The following ZMAT4 variants were observed in gnomAD, a reference collection of about 807,000 sequenced individuals.
The protein encoded by ZMAT4 is zinc finger matrin-type protein 4.
In ZMAT4, 17 loss-of-function variants were observed where a neutral mutation model predicts 28.7. The ratio of observed to expected loss-of-function variants is 0.59; its 90% CI spans 0.41 to 0.89. The LOEUF is 0.89. ZMAT4 is among the 40% of genes least tolerant of loss of function. The pLI is 0.00. For missense variants in ZMAT4, 240 were observed against 283.8 expected (o/e 0.85, Z 1.11); for synonymous variants, 117 against 109.2 (o/e 1.07, Z -0.44).
chr8:40,774,676 A>G (rs1563475394), intron 2 of ZMAT4, among the ~76,000 whole-genome samples: 1 of 52,116 alleles, frequency 1.9e-5, no homozygotes, highest in Non-Finnish European at 8.2e-5. Context: ...ATATTCAATG[A>G]CATAGAAATA....
intron 3 of ZMAT4, among the ~76,000 whole-genome samples, chr8:40,700,900 T>C (rs1371180679): frequency 2.0e-5 from 3 of 152,222 alleles, no homozygotes; most frequent in Admixed American, 6.5e-5. Context: ...AACTGTCTCA[T>C]TGATAGTGAG....
At chr8:40,728,475 A>G (rs530014054) in intron 3 of ZMAT4, among the ~76,000 whole-genome samples, 1 of 152,354 alleles carries the variant, frequency 6.6e-6, no homozygotes, top group South Asian at 2.1e-4. Flanking sequence ...ATTTCAGAAC[A>G]TGTGATGCTT....
At chr8:40,600,764 C>T (rs2118611711) in intron 5 of ZMAT4, among the ~76,000 whole-genome samples, 1 of 152,274 alleles carries the variant, frequency 6.6e-6, no homozygotes, top group African/African-American at 2.4e-5. Flanking sequence ...GGCCTTTGTC[C>T]AGGAGAAGCA....
At chr8:40,746,661 T>C (rs181216741) in intron 3 of ZMAT4, among the ~76,000 whole-genome samples, 1 of 152,234 alleles carries the variant, frequency 6.6e-6, no homozygotes, top group Admixed American at 6.5e-5. Flanking sequence ...GGCCCAGTTT[T>C]ACTACTAATA....
rs111518851 is a variant in ZMAT4, at chr8:40,616,125, C to T, written c.578-34864G>A. 2.8e-4 allele frequency among the ~76,000 whole-genome samples: 43 copies of T among 152,282 alleles called. No homozygotes were observed. In the South Asian group the frequency reaches 3.7e-3, roughly 13 times the overall value. On this transcript the variant is annotated intron_variant, in intron 5 of 6. Transcript: ENST00000297737. ...AGAAGACATTTATGCAGTCAACAGA[C>T]GCATGAAAAAATGCTCATCATCACT... is the stretch of plus-strand genomic sequence containing the variant.
chr8:40,749,449 T>A (rs1812370133), intron 3 of ZMAT4, among the ~76,000 whole-genome samples: 2 of 151,836 alleles, frequency 1.3e-5, no homozygotes, highest in Admixed American at 1.3e-4. Flanking sequence ...CCCAGGGGAG[T>A]TTTCAAAGCC....
chr8:40,567,625 C>G lies in ZMAT4; in HGVS notation c.674+13540G>C, dbSNP rs1290307567. Among the ~76,000 whole-genome samples the G allele has an allele frequency of 3.3e-5, 5 of 151,464 alleles. No homozygotes were observed. In the East Asian group the frequency reaches 5.8e-4, roughly 18 times the overall value. The stretch of plus-strand genomic sequence containing the variant: ...GAGGCAGGGGAATCACTTGAACCCC[C>G]CTGGGAGGCGGAGGTTGCAGTGAGC... On this transcript the variant is annotated intron_variant, in intron 6 of 6. Transcript: ENST00000297737.
At position 40,883,249 on chromosome 8, in the gene ZMAT4, G is replaced by T. The variant is rs149060199; in HGVS notation, c.-5+14434C>A. Among the ~76,000 whole-genome samples the T allele has an allele frequency of 1.5e-3, 225 of 152,264 alleles. 2 individuals carry two copies. The highest frequency in any genetic ancestry group is 5.1e-3 in the African/African-American group (210 of 41,536). ...ATTCTCCAGGTATGTGACCTTGGAC[G>T]GTTCTCTTTTCCAAAACCCCAAGGC... is the stretch of plus-strand genomic sequence containing the variant. On this transcript the variant is annotated intron_variant, in intron 1 of 6. Coordinates refer to ENST00000297737, the MANE Select transcript of ZMAT4 (RefSeq NM_024645.3).
intron 1 of ZMAT4, among the ~76,000 whole-genome samples, chr8:40,888,260 A>C (rs928092693): frequency 1.3e-5 from 2 of 152,192 alleles, no homozygotes; most frequent in Non-Finnish European, 2.9e-5. Context: ...TTGCAGACAG[A>C]AAATCTAGCT....
chr8:40,863,461 A>G (rs904955414), intron 1 of ZMAT4, among the ~76,000 whole-genome samples: 1 of 152,164 alleles, frequency 6.6e-6, no homozygotes, highest in African/African-American at 2.4e-5. Context: ...AGAATCAAGA[A>G]CTACCCTCTG....
chr8:40,865,039 G>A (rs979409393), intron 1 of ZMAT4, among the ~76,000 whole-genome samples: 1 of 152,148 alleles, frequency 6.6e-6, no homozygotes. Flanking sequence ...TCTGTGCAAG[G>A]TCAAGCAAAA....
chr8:40,703,128 G>A (rs1018835358), intron 3 of ZMAT4, among the ~76,000 whole-genome samples: 2 of 152,128 alleles, frequency 1.3e-5, no homozygotes, highest in African/African-American at 4.8e-5. Context: ...ACCTAATCCT[G>A]AATTTTACTT....
chr8:40,552,836 G>T (rs1803406691), intron 6 of ZMAT4, among the ~76,000 whole-genome samples: 1 of 152,106 alleles, frequency 6.6e-6, no homozygotes, highest in Non-Finnish European at 1.5e-5. Flanking sequence ...CCCTTCAAGA[G>T]GAGGAGCCTA....
At chr8:40,878,065 A>G (rs1361426805) in intron 1 of ZMAT4, among the ~76,000 whole-genome samples, 2 of 152,174 alleles carry the variant, frequency 1.3e-5, no homozygotes, top group African/African-American at 4.8e-5. Flanking sequence ...TAGCCACTGA[A>G]TTTTCAAGCC....
chr8:40,855,700 C>A lies in ZMAT4; in HGVS notation c.-4-30020G>T, dbSNP rs564746927. ...AAAACTTTTTTTTTTTTTTTTGAGA[C>A]AGGGTTGCTCTGTTACCCAGGCTGG... On this transcript the variant is annotated intron_variant, in intron 1 of 6. Transcript: ENST00000297737. Among the ~76,000 whole-genome samples, 194 of 147,204 alleles carry A rather than the reference C, an allele frequency of 1.3e-3. 1 individual carries two copies. Among genetic ancestry groups the A allele is most frequent in the African/African-American group, 4.6e-3 (184 of 39,878 alleles).
intron 1 of ZMAT4, among the ~76,000 whole-genome samples, chr8:40,887,624 G>A (rs1818509032): frequency 6.6e-6 from 1 of 151,990 alleles, no homozygotes; most frequent in Non-Finnish European, 1.5e-5. Context: ...ACTGGCAGGC[G>A]AGCAACCCTC....
At chr8:40,881,980 C>T (rs1180134605) in intron 1 of ZMAT4, among the ~76,000 whole-genome samples, 1 of 152,070 alleles carries the variant, frequency 6.6e-6, no homozygotes, top group Admixed American at 6.5e-5. Context: ...CTGCCCAGGG[C>T]CTAATTAGAG....
intron 6 of ZMAT4, among the ~76,000 whole-genome samples, chr8:40,545,199 T>TC (rs1383339210): frequency 1.3e-5 from 2 of 152,060 alleles, no homozygotes; most frequent in East Asian, 3.9e-4. Flanking sequence ...GAGAGCAGAC[T>TC]CCCCCCTAGT....
intron 2 of ZMAT4, among the ~76,000 whole-genome samples, chr8:40,781,613 T>G (rs1813828005): frequency 6.7e-6 from 1 of 148,990 alleles, no homozygotes; most frequent in African/African-American, 2.5e-5. Context: ...ATACAAAAAA[T>G]TAGCCGGGCG....
Sources: allele counts gnomAD v4.1 joint callset (sites outside exome capture counted in the v4.1 genomes callset), GRCh38; gene constraint gnomAD v4.1.1; transcripts MANE v1.5; gene names NCBI Gene and HGNC (gene_info 2026-07-23, HGNC 2026-07-21).